Variants in EXOC6B observed in about 807,000 individuals in gnomAD.
The protein encoded by EXOC6B is SEC15 homolog B.
Under a neutral mutation model 113.5 loss-of-function variants are expected in EXOC6B, and 54 were observed. The ratio of observed to expected loss-of-function variants is 0.48; its 90% CI spans 0.38 to 0.60. The LOEUF (loss-of-function observed/expected upper bound fraction) is 0.60. Among genes scored for constraint, EXOC6B ranks in the 20% least tolerant of loss-of-function variants. The pLI is 0.00. For missense variants in EXOC6B, 797 were observed against 977.5 expected, an observed-to-expected ratio of 0.82 and a Z score of 2.46; for synonymous variants, 357 against 339.0, an observed-to-expected ratio of 1.05 and a Z score of -0.58.
At chr2:72,480,562 G>T (rs778081679) in intron 17 of EXOC6B, 54 bp downstream of exon 17, 1 of 1,490,034 alleles carries the variant, frequency 6.7e-7, no homozygotes, top group Non-Finnish European at 9.0e-7. Flanking sequence ...TAGGTAGAAC[G>T]TCCCAGACTG....
chr2:72,716,119 G>A (rs1679600566), intron 6 of EXOC6B, among the ~76,000 whole-genome samples: 1 of 152,144 alleles, frequency 6.6e-6, no homozygotes. Flanking sequence ...CAGAATATGG[G>A]TAGAAGTAAT....
chr2:72,487,102 C>G (rs748622830), intron 16 of EXOC6B, among the ~76,000 whole-genome samples: 1 of 152,098 alleles, frequency 6.6e-6, no homozygotes, highest in Non-Finnish European at 1.5e-5. Flanking sequence ...CCCAGCTTCC[C>G]TTATTGTTAA....
chr2:72,269,982 A>G (rs937986209), intron 20 of EXOC6B, among the ~76,000 whole-genome samples: 1 of 152,092 alleles, frequency 6.6e-6, no homozygotes, highest in Non-Finnish European at 1.5e-5. Flanking sequence ...AGGGGATGTG[A>G]AGAGGTGAAG....
intron 6 of EXOC6B, among the ~76,000 whole-genome samples, chr2:72,675,983 A>T (rs1424542042): frequency 6.6e-6 from 1 of 152,046 alleles, no homozygotes; most frequent in Non-Finnish European, 1.5e-5. Context: ...TTTTAAAGAC[A>T]AACACACAGA....
At chr2:72,537,797 C>T (rs554913238) in intron 8 of EXOC6B, among the ~76,000 whole-genome samples, 2 of 152,088 alleles carry the variant, frequency 1.3e-5, no homozygotes, top group African/African-American at 4.8e-5. Context: ...GAGACACTCA[C>T]CAAGGTTTTA....
intron 18 of EXOC6B, among the ~76,000 whole-genome samples, chr2:72,440,140 C>A (rs1274872792): frequency 6.6e-6 from 1 of 152,114 alleles, no homozygotes. Flanking sequence ...GAGGTCTCAC[C>A]TAGTCAGCAG....
At chr2:72,654,869 A>G (rs1299862843) in intron 6 of EXOC6B, among the ~76,000 whole-genome samples, 1 of 152,218 alleles carries the variant, frequency 6.6e-6, no homozygotes, top group African/African-American at 2.4e-5. Flanking sequence ...TACATGAACT[A>G]TGTCAAATAT....
At chr2:72,350,254 A>G (rs918296799) in intron 19 of EXOC6B, among the ~76,000 whole-genome samples, 2 of 152,228 alleles carry the variant, frequency 1.3e-5, no homozygotes, top group African/African-American at 2.4e-5. Context: ...AACATTATGC[A>G]TATCTTTCCT....
chr2:72,489,656 G>A (rs1222210102), intron 16 of EXOC6B, among the ~76,000 whole-genome samples: 1 of 152,088 alleles, frequency 6.6e-6, no homozygotes, highest in East Asian at 1.9e-4. Context: ...GGCCAGAATT[G>A]GAACCCAGGC....
chr2:72,192,624 GGGA>G (rs577061710), intron 20 of EXOC6B, among the ~76,000 whole-genome samples: 2 of 152,266 alleles, frequency 1.3e-5, no homozygotes, highest in South Asian at 4.1e-4. Flanking sequence ...AAGATTCCAT[GGGA>G]AGCAAAGGGT....
At chr2:72,636,372 GCAA>G (rs1382966168) in intron 6 of EXOC6B, among the ~76,000 whole-genome samples, 5 of 95,590 alleles carry the variant, frequency 5.2e-5, no homozygotes, top group African/African-American at 2.7e-4. Flanking sequence ...AAGGAAGGAA[GCAA>G]GGAAGCAAGG....
At chr2:72,652,881 C>A (rs891846944) in intron 6 of EXOC6B, among the ~76,000 whole-genome samples, 2 of 150,952 alleles carry the variant, frequency 1.3e-5, no homozygotes, top group African/African-American at 4.9e-5. Flanking sequence ...CATGGTGGCT[C>A]ACACCTGCAG....
chr2:72,469,836 T>C (rs1403329251), intron 17 of EXOC6B, among the ~76,000 whole-genome samples: 1 of 152,100 alleles, frequency 6.6e-6, no homozygotes, highest in African/African-American at 2.4e-5. Context: ...TCAGTTACAG[T>C]AGAAGTGTTC....
At chr2:72,606,309 G>A (rs1212939018) in intron 6 of EXOC6B, among the ~76,000 whole-genome samples, 2 of 151,794 alleles carry the variant, frequency 1.3e-5, no homozygotes, top group African/African-American at 4.8e-5. Flanking sequence ...TACCACCACT[G>A]CATATATATA....
intron 11 of EXOC6B, among the ~76,000 whole-genome samples, chr2:72,512,897 G>A (rs1335193562): frequency 6.6e-6 from 1 of 152,034 alleles, no homozygotes; most frequent in Non-Finnish European, 1.5e-5. Context: ...CACATAGAGA[G>A]AATAATCAAT....
At chr2:72,760,229 T>C (rs992733442) in intron 1 of EXOC6B, among the ~76,000 whole-genome samples, 5 of 152,188 alleles carry the variant, frequency 3.3e-5, no homozygotes, top group Non-Finnish European at 5.9e-5. Context: ...CATTTCCAAA[T>C]GTTAGCATCC....
intron 7 of EXOC6B, 122 bp from the exon 8 acceptor site, chr2:72,559,643 A>G (rs1703772199): frequency 1.5e-6 from 1 of 660,620 alleles, no homozygotes; most frequent in East Asian, 3.0e-5. Context: ...GTAAGTGAGA[A>G]ATACAAAACA....
chr2:72,648,313 C>T (rs541746357), intron 6 of EXOC6B, among the ~76,000 whole-genome samples: 16 of 152,264 alleles, frequency 1.1e-4, no homozygotes, highest in Admixed American at 5.2e-4. Context: ...TAAATAGGAA[C>T]GCTTTTACAC....
At chr2:72,320,386 A>G (rs1402552221) in intron 20 of EXOC6B, among the ~76,000 whole-genome samples, 1 of 152,104 alleles carries the variant, frequency 6.6e-6, no homozygotes, top group Non-Finnish European at 1.5e-5. Flanking sequence ...ACACAGGTCA[A>G]TTGAACATAA....
Sources: allele counts gnomAD v4.1 joint callset (sites outside exome capture counted in the v4.1 genomes callset), GRCh38; gene constraint gnomAD v4.1.1; transcripts MANE v1.5; gene names NCBI Gene and HGNC (gene_info 2026-07-23, HGNC 2026-07-21).